The following RNF169 variants were observed in gnomAD, a reference collection of about 807,000 sequenced individuals.
RNF169 encodes the protein E3 ubiquitin-protein ligase RNF169.
RNF169 carries 24 observed loss-of-function variants against 53.9 expected under a neutral mutation model. The ratio of observed to expected loss-of-function variants is 0.45; its 90% CI spans 0.32 to 0.63. The LOEUF is 0.63. Ranked by LOEUF, RNF169 falls within the 20% of genes least tolerant of loss-of-function variation. RNF169 has a pLI of 0.04. For synonymous variants in RNF169, 396 were observed against 363.5 expected (o/e 1.09, Z -1.02); for missense variants, 883 against 906.2 (o/e 0.97, Z 0.33).
intron 1 of RNF169, 150 bp from the exon 2 acceptor site, chr11:74,789,476 T>G (rs895444484): frequency 2.4e-5 from 12 of 494,898 alleles, no homozygotes; most frequent in Non-Finnish European, 4.4e-5. Context: ...TACTTTCCTC[T>G]ACCTTTTTGA....
intron 1 of RNF169, among the ~76,000 whole-genome samples, chr11:74,780,374 C>A (rs1031344176): frequency 1.3e-5 from 2 of 152,174 alleles, no homozygotes; most frequent in Non-Finnish European, 1.5e-5. Flanking sequence ...GCCCACACAC[C>A]CTATTCCAGT....
intron 1 of RNF169, among the ~76,000 whole-genome samples, chr11:74,763,090 A>G (rs1434340814): frequency 6.6e-6 from 1 of 152,230 alleles, no homozygotes; most frequent in Non-Finnish European, 1.5e-5. Context: ...CTTGAGCTCT[A>G]TGCAAAGAGA....
intron 1 of RNF169, among the ~76,000 whole-genome samples, chr11:74,778,180 T>G (rs1013109210): frequency 9.2e-5 from 14 of 152,258 alleles, no homozygotes; most frequent in African/African-American, 3.4e-4. Context: ...TGATTTAGTC[T>G]TAGCTAATAA....
Position 74,822,557 on chromosome 11 carries a change from G to C in RNF169, c.842+4843G>C, listed in dbSNP as rs1020654967. On this transcript the variant is annotated intron_variant, in intron 4 of 5. Coordinates refer to ENST00000299563, the MANE Select transcript of RNF169 (RefSeq NM_001098638.2). Reference sequence around the variant, plus strand: ...TGAGTCTGTTCTATGGCAGAGTAGAGTAAGTTAGATCAGTATGCTGTGGTG... The same window carrying C: ...TGAGTCTGTTCTATGGCAGAGTAGACTAAGTTAGATCAGTATGCTGTGGTG... Among the ~76,000 whole-genome samples the C allele has an allele frequency of 3.3e-5, 5 of 152,314 alleles. No individual in the cohort carries two copies. The South Asian group carries it at 1.0e-3, about 32-fold the overall frequency.
At chr11:74,778,495 C>T (rs1855103875) in intron 1 of RNF169, among the ~76,000 whole-genome samples, 1 of 152,058 alleles carries the variant, frequency 6.6e-6, no homozygotes, top group Admixed American at 6.6e-5. Context: ...TGATGTTGTG[C>T]CAAACCCCAT....
intron 4 of RNF169, among the ~76,000 whole-genome samples, chr11:74,823,153 A>T (rs1266517012): frequency 6.6e-6 from 1 of 152,202 alleles, no homozygotes; most frequent in Non-Finnish European, 1.5e-5. Context: ...TCATGATTTT[A>T]GTGACTGTTA....
chr11:74,821,112 T>C (rs538134529), intron 4 of RNF169, among the ~76,000 whole-genome samples: 4 of 152,372 alleles, frequency 2.6e-5, no homozygotes, highest in Non-Finnish European at 5.9e-5. Flanking sequence ...ATCAGAACTC[T>C]GTGACAAAAG....
chr11:74,758,521 A>C (rs1485491363), intron 1 of RNF169, among the ~76,000 whole-genome samples: 2 of 146,692 alleles, frequency 1.4e-5, no homozygotes, highest in African/African-American at 2.5e-5. Context: ...TTTTTTTTTG[A>C]GACGGAGTCT....
chr11:74,805,962 G>A (rs1284967040), intron 2 of RNF169, among the ~76,000 whole-genome samples: 1 of 152,028 alleles, frequency 6.6e-6, no homozygotes, highest in African/African-American at 2.4e-5. Flanking sequence ...TATACCGAGC[G>A]ACAGCTGTAC....
At chr11:74,795,423 A>G (rs566383777) in intron 2 of RNF169, among the ~76,000 whole-genome samples, 56 of 152,044 alleles carry the variant, frequency 3.7e-4, no homozygotes, top group East Asian at 1.2e-3. Flanking sequence ...GGCTCAAGCA[A>G]TCCTCCCTCC....
At chr11:74,827,787 A>G (rs1332795820) in intron 4 of RNF169, among the ~76,000 whole-genome samples, 1 of 152,194 alleles carries the variant, frequency 6.6e-6, no homozygotes, top group Non-Finnish European at 1.5e-5. Context: ...GCACCCCTTC[A>G]TGTTGAAAAC....
chr11:74,753,037 C>T (rs1554990881), intron 1 of RNF169, among the ~76,000 whole-genome samples: 4 of 152,160 alleles, frequency 2.6e-5, no homozygotes, highest in East Asian at 1.9e-4. Flanking sequence ...GGCATGATCT[C>T]GGTTCACCGC....
In RNF169 at chr11:74,789,674, G is replaced by C; in HGVS notation, c.551G>C (p.Arg184Pro). ...PIKLSKPGELREEYESLRKLR... is the reference protein window; with the variant it reads ...PIKLSKPGELPEEYESLRKLR... The stretch of plus-strand genomic sequence containing the variant: ...AAATTAAGCAAGCCTGGGGAACTTC[G>C]TGAGGAATATGAAAGCTTGAGAAAG... The change falls in exon 2 of 6, where the codon CGT (arginine) becomes CCT (proline). Residue 184 changes from arginine to proline, a missense_variant. Transcript: ENST00000299563. 1 of 1,606,062 alleles carries C rather than the reference G, an allele frequency of 6.2e-7. No homozygotes were observed.
chr11:74,807,047 A>G (rs896024588), intron 2 of RNF169, among the ~76,000 whole-genome samples: 5 of 151,788 alleles, frequency 3.3e-5, no homozygotes, highest in African/African-American at 1.2e-4. Context: ...GCAGATGTCA[A>G]TAACTTTTCT....
At chr11:74,772,948 A>G (rs1404514576) in intron 1 of RNF169, among the ~76,000 whole-genome samples, 1 of 152,234 alleles carries the variant, frequency 6.6e-6, no homozygotes, top group Admixed American at 6.5e-5. Context: ...TATGTCATCA[A>G]TAAATGTTAG....
intron 4 of RNF169, among the ~76,000 whole-genome samples, chr11:74,825,312 C>T (rs183951740): frequency 6.6e-6 from 1 of 152,134 alleles, no homozygotes; most frequent in Admixed American, 6.5e-5. Flanking sequence ...GGAAAATTAA[C>T]AAATATGTGG....
chr11:74,770,710 A>G (rs2035247623), intron 1 of RNF169, among the ~76,000 whole-genome samples: 1 of 152,210 alleles, frequency 6.6e-6, no homozygotes, highest in Admixed American at 6.5e-5. Context: ...TAATAAATGA[A>G]TTAAATCAGT....
At chr11:74,834,813 T>A in intron 5 of RNF169, 38 bp downstream of exon 5, 1 of 1,413,074 alleles carries the variant, frequency 7.1e-7, no homozygotes, top group East Asian at 2.3e-5. Flanking sequence ...CTTGTGAGGC[T>A]TGCCCCATCA....
chr11:74,793,924 A>C (rs991824034), intron 2 of RNF169, among the ~76,000 whole-genome samples: 1 of 152,068 alleles, frequency 6.6e-6, no homozygotes, highest in Non-Finnish European at 1.5e-5. Flanking sequence ...GACCCCTTAT[A>C]TGCTTACTTA....
Sources: gnomAD v4.1 joint callset for allele counts (sites outside exome capture counted in the v4.1 genomes callset) on GRCh38, gnomAD v4.1.1 for gene constraint, MANE v1.5 for transcripts, NCBI Gene and HGNC (gene_info 2026-07-23, HGNC 2026-07-21) for gene names.